The following PSTPIP2 variants were observed in gnomAD, a reference collection of about 807,000 sequenced individuals.
PSTPIP2 encodes proline-serine-threonine phosphatase-interacting protein 2.
Under a neutral mutation model 63.3 loss-of-function variants are expected in PSTPIP2, and 33 were observed. The observed-to-expected ratio is 0.52, with a 90% CI of 0.40 to 0.70. The LOEUF is 0.70. Ranked by LOEUF, PSTPIP2 falls within the 30% of genes least tolerant of loss-of-function variation. The probability of loss-of-function intolerance (pLI) is 0.00; values close to 1 mark genes in which losing one functional copy is unlikely to be tolerated. For synonymous variants in PSTPIP2, 125 were observed against 132.7 expected (o/e 0.94, Z 0.40); for missense variants, 312 against 400.7 (o/e 0.78, Z 1.89).
At chr18:46,052,984 G>A (rs1030023393) in intron 1 of PSTPIP2, among the ~76,000 whole-genome samples, 5 of 152,234 alleles carry the variant, frequency 3.3e-5, no homozygotes, top group East Asian at 1.9e-4. Context: ...ATTGCAAGTT[G>A]ACCAAAATCT....
chr18:45,999,651 T>G (rs1480231832), intron 6 of PSTPIP2, 117 bp from the exon 7 acceptor site: 7 of 959,058 alleles, frequency 7.3e-6, no homozygotes, highest in Non-Finnish European at 1.1e-5. Flanking sequence ...GTGCTCTGAT[T>G]GTCACTAAGC....
intron 4 of PSTPIP2, among the ~76,000 whole-genome samples, chr18:46,013,782 G>T (rs372493637): frequency 2.3e-4 from 35 of 152,142 alleles, no homozygotes; most frequent in African/African-American, 8.4e-4. Flanking sequence ...GGAAGAAAAT[G>T]ACTCCTTAGC....
intron 9 of PSTPIP2, among the ~76,000 whole-genome samples, chr18:45,996,019 T>C (rs1441268067): frequency 1.3e-5 from 2 of 152,236 alleles, no homozygotes; most frequent in African/African-American, 2.4e-5. Flanking sequence ...TTTCACTATG[T>C]TGTCCAGACT....
rs1377032977 is a variant in PSTPIP2, at chr18:46,024,848, A to C, written c.135-162T>G. ...AGACTCCCTCTGTATGATAGGGAACAACTGTAAAAAGATCGATGGCCCTCA... is the reference window on the plus strand; with the variant it reads ...AGACTCCCTCTGTATGATAGGGAACCACTGTAAAAAGATCGATGGCCCTCA... On this transcript the variant is annotated intron_variant, in intron 2 of 14. Coordinates refer to ENST00000409746, the MANE Select transcript of PSTPIP2 (RefSeq NM_024430.4). 2.6e-5 allele frequency among the ~76,000 whole-genome samples: 4 copies of C among 152,194 alleles called. No individual in the cohort carries two copies. In the East Asian group the frequency reaches 7.7e-4, roughly 29 times the overall value.
At chr18:46,000,391 G>A (rs1347879359) in intron 6 of PSTPIP2, among the ~76,000 whole-genome samples, 1 of 152,138 alleles carries the variant, frequency 6.6e-6, no homozygotes, top group Non-Finnish European at 1.5e-5. Flanking sequence ...TATTGAGACA[G>A]AGTCTAGCTT....
rs548860847 is a variant in PSTPIP2, at chr18:45,995,712, A to G, written c.643-2009T>C. ...GATGCTGCAGGCTGGGGCAGTCAGG[A>G]CAACATGGACTTGGAGACAGCCCCT... On this transcript the variant is annotated intron_variant, in intron 9 of 14. Transcript: ENST00000409746. Among the ~76,000 whole-genome samples, 6 of 152,338 alleles carry G rather than the reference A, an allele frequency of 3.9e-5. No individual in the cohort carries two copies. The South Asian group carries it at 1.2e-3, about 32-fold the overall frequency.
At position 45,990,713 on chromosome 18, in the gene PSTPIP2, G is replaced by A; in HGVS notation, c.955+9C>T. The A allele has an allele frequency of 1.9e-6, 3 of 1,602,290 alleles. No individual in the cohort carries two copies. Among genetic ancestry groups the A allele is most frequent in the Non-Finnish European group, 1.7e-6 (2 of 1,170,250 alleles). ...TAAGAATTTCAAAAGACCTTTTTTA[G>A]TGGCATACCTGGTGAGCTTTTAGGA... On this transcript the variant is annotated intron_variant, in intron 13 of 14. Coordinates refer to ENST00000409746, the MANE Select transcript of PSTPIP2 (RefSeq NM_024430.4).
chr18:46,025,840 C>T (rs527335730), intron 2 of PSTPIP2, among the ~76,000 whole-genome samples: 79 of 152,298 alleles, frequency 5.2e-4, no homozygotes, highest in Admixed American at 1.6e-3. Flanking sequence ...CTGCGACCTC[C>T]GCCTCCCGGG....
At chr18:46,027,200 C>G (rs1907606397) in intron 2 of PSTPIP2, among the ~76,000 whole-genome samples, 1 of 151,924 alleles carries the variant, frequency 6.6e-6, no homozygotes, top group African/African-American at 2.4e-5. Context: ...GAGGCTGAGG[C>G]AGGAGAATCG....
At chr18:46,028,533 C>CT in intron 2 of PSTPIP2, 1 of 670,590 alleles carries the variant, frequency 1.5e-6, no homozygotes, top group South Asian at 1.4e-5. Context: ...GCTGCGGCGT[C>CT]TGCGGGGTCC....
chr18:45,984,598 T>C lies in PSTPIP2; in HGVS notation c.*861A>G, dbSNP rs1791863131. The C allele has an allele frequency of 6.6e-6, 1 of 152,206 alleles. No individual in the cohort carries two copies. The highest frequency in any genetic ancestry group is 2.1e-4 in the South Asian group (1 of 4,834). The allele number at this position is 152,206 out of a possible 1,614,324, so 9.4% of individuals were successfully genotyped here. A position where few individuals can be genotyped will look rare whatever the true frequency, so the allele number is the denominator to read the frequency against. ...TTCAGATGGGCTTGGCCATCAATAG[T>C]CTGTCCCAAGTTTATTGGCAACTCC... On this transcript the variant is annotated 3_prime_UTR_variant, in exon 15 of 15. Transcript: ENST00000409746.
chr18:46,072,108 C>G (rs796802471), intron 1 of PSTPIP2, 48 bp downstream of exon 1: 1 of 1,514,218 alleles, frequency 6.6e-7, no homozygotes, highest in Non-Finnish European at 8.8e-7. Context: ...GCCTCCCGCC[C>G]GGGCCGGGTC....
intron 1 of PSTPIP2, among the ~76,000 whole-genome samples, chr18:46,047,446 G>A (rs761304477): frequency 1.3e-5 from 2 of 152,114 alleles, no homozygotes; most frequent in South Asian, 2.1e-4. Flanking sequence ...GGTGGCACGC[G>A]CCTGCAGTAC....
At chr18:46,051,919 C>A (rs1017435023) in intron 1 of PSTPIP2, among the ~76,000 whole-genome samples, 4 of 152,184 alleles carry the variant, frequency 2.6e-5, no homozygotes, top group Admixed American at 6.5e-5. Context: ...TATTACCGGG[C>A]AAATCAGTGA....
At chr18:46,063,087 C>T (rs1909047406) in intron 1 of PSTPIP2, among the ~76,000 whole-genome samples, 1 of 152,204 alleles carries the variant, frequency 6.6e-6, no homozygotes, top group African/African-American at 2.4e-5. Flanking sequence ...GCTGCAGCTT[C>T]AACCGCATGG....
chr18:46,070,581 A>C (rs971689443), intron 1 of PSTPIP2, among the ~76,000 whole-genome samples: 6 of 152,224 alleles, frequency 3.9e-5, no homozygotes, highest in African/African-American at 1.4e-4. Flanking sequence ...TGATGTGATC[A>C]TAGCTCACTG....
chr18:45,995,704 C>G (rs564538483), intron 9 of PSTPIP2, among the ~76,000 whole-genome samples: 6 of 152,318 alleles, frequency 3.9e-5, no homozygotes, highest in African/African-American at 1.4e-4. Flanking sequence ...CAGGCTGGGG[C>G]AGTCAGGACA....
chr18:46,040,922 A>T (rs1412106450), intron 1 of PSTPIP2: 2 of 435,692 alleles, frequency 4.6e-6, no homozygotes. Flanking sequence ...CTGGGCGCCC[A>T]CTCCAGCCTT....
At chr18:46,007,542 A>G (rs1418777806) in intron 5 of PSTPIP2, among the ~76,000 whole-genome samples, 1 of 152,236 alleles carries the variant, frequency 6.6e-6, no homozygotes, top group African/African-American at 2.4e-5. Context: ...TTATTTATTT[A>G]ATAATGGTTC....
Sources: allele counts gnomAD v4.1 joint callset (sites outside exome capture counted in the v4.1 genomes callset), GRCh38; gene constraint gnomAD v4.1.1; transcripts MANE v1.5; gene names NCBI Gene and HGNC (gene_info 2026-07-23, HGNC 2026-07-21).